ZNF385D: variants seen among roughly 807,000 people sequenced by gnomAD.
The protein encoded by ZNF385D is zinc finger protein 659.
ZNF385D carries 15 observed loss-of-function variants against 35.8 expected under a neutral mutation model. The observed-to-expected ratio is 0.42, with a 90% CI of 0.28 to 0.64. The LOEUF (loss-of-function observed/expected upper bound fraction) is 0.64, where lower values mean the gene tolerates loss of function less well. ZNF385D is among the 30% of genes least tolerant of loss of function. ZNF385D has a pLI of 0.23. For missense variants in ZNF385D, 474 were observed against 494.6 expected, an observed-to-expected ratio of 0.96 and a Z score of 0.39; for synonymous variants, 212 against 186.8, an observed-to-expected ratio of 1.13 and a Z score of -1.10.
At chr3:22,184,961 G>A (rs979769892) in intron 2 of ZNF385D, among the ~76,000 whole-genome samples, 1 of 151,532 alleles carries the variant, frequency 6.6e-6, no homozygotes, top group Non-Finnish European at 1.5e-5. Context: ...TTTAAATCCT[G>A]CCTTGTCCTG....
chr3:22,334,451 G>T (rs1385637674), intron 2 of ZNF385D, among the ~76,000 whole-genome samples: 1 of 151,966 alleles, frequency 6.6e-6, no homozygotes, highest in Admixed American at 6.6e-5. Flanking sequence ...AAATTTTATA[G>T]ATTTAATTAA....
At chr3:21,935,635 C>CTTGTCTGT (rs1701221802) in intron 3 of ZNF385D, among the ~76,000 whole-genome samples, 1 of 152,048 alleles carries the variant, frequency 6.6e-6, no homozygotes, top group Non-Finnish European at 1.5e-5. Context: ...TAAAAAGTTG[C>CTTGTCTGT]TTGTCTGTTT....
chr3:21,925,228 T>C (rs953763999), intron 3 of ZNF385D, among the ~76,000 whole-genome samples: 3 of 151,886 alleles, frequency 2.0e-5, no homozygotes, highest in Non-Finnish European at 4.4e-5. Context: ...GAGGAACAGG[T>C]TTACTCAATT....
chr3:21,895,355 T>G (rs1699079547), intron 3 of ZNF385D, among the ~76,000 whole-genome samples: 1 of 121,256 alleles, frequency 8.2e-6, no homozygotes, highest in Non-Finnish European at 1.6e-5. Context: ...TAAGACAGAG[T>G]CTCACTCTGT....
chr3:21,678,451 T>C (rs73040094), intron 1 of ZNF385D, among the ~76,000 whole-genome samples: 7,659 of 152,130 alleles, frequency 0.05, 279 homozygotes, highest in East Asian at 0.13. Context: ...TATTGATATG[T>C]CTTAGACAGT....
intron 3 of ZNF385D, among the ~76,000 whole-genome samples, chr3:22,017,524 A>T (rs1325891612): frequency 1.3e-5 from 2 of 151,972 alleles, no homozygotes; most frequent in Non-Finnish European, 2.9e-5. Flanking sequence ...TTTTATATTT[A>T]TTCTGAGTTA....
chr3:22,121,732 T>A (rs116507337), intron 3 of ZNF385D, among the ~76,000 whole-genome samples: 1,663 of 152,046 alleles, frequency 0.011, 34 homozygotes, highest in African/African-American at 0.038. Flanking sequence ...CAATCCCCTG[T>A]ACCTGGGCAT....
At chr3:22,164,216 CTTTTTTTTTTTTTTT>C (rs571978176) in intron 3 of ZNF385D, among the ~76,000 whole-genome samples, 6 of 74,912 alleles carry the variant, frequency 8.0e-5, no homozygotes, top group South Asian at 1.1e-3. Context: ...AAAAGGAGCA[CTTTTTTTTTTTTTTT>C]TTTTTTTTTT....
chr3:21,602,517 C>CTTTTTTTTTTTTTTTTTTTTTTTTTTTTT (rs746138066), intron 2 of ZNF385D, among the ~76,000 whole-genome samples: 10 of 62,710 alleles, frequency 1.6e-4, no homozygotes, highest in Non-Finnish European at 2.1e-4. Context: ...CCTGCATTTT[C>CTTTTTTTTTTTTTTTTTTTTTTTTTTTTT]TTTTTTTTTT....
intron 2 of ZNF385D, among the ~76,000 whole-genome samples, chr3:21,601,591 G>C (rs1450666764): frequency 6.6e-6 from 1 of 152,206 alleles, no homozygotes; most frequent in East Asian, 1.9e-4. Flanking sequence ...GTTGCTAGAA[G>C]TGAAATCATC....
At chr3:22,367,059 CTTA>C (rs1437672398) in intron 2 of ZNF385D, among the ~76,000 whole-genome samples, 1 of 152,144 alleles carries the variant, frequency 6.6e-6, no homozygotes, top group Non-Finnish European at 1.5e-5. Context: ...AGAATATATT[CTTA>C]TTGTTTTAAG....
In ZNF385D at chr3:21,564,461, T is replaced by A. The variant is rs1457413399; in HGVS notation, c.276+113A>T. 5.4e-6 allele frequency: 3 copies of A among 557,130 alleles called. No homozygotes were observed. In the East Asian group the frequency reaches 9.7e-5, roughly 18 times the overall value. 34.5% of individuals were successfully genotyped at this position (557,130 alleles called of 1,614,324 possible). On this transcript the variant is annotated intron_variant, in intron 3 of 7. Transcript: ENST00000281523. Reference sequence around the variant, plus strand: ...AGTGAGTTAAAATGTTATCTTTGAATTTTGACATGCTCAGTTACTGGAGAA... The same window carrying A: ...AGTGAGTTAAAATGTTATCTTTGAAATTTGACATGCTCAGTTACTGGAGAA...
intron 3 of ZNF385D, among the ~76,000 whole-genome samples, chr3:21,522,613 C>T (rs1380425898): frequency 3.3e-5 from 5 of 152,134 alleles, no homozygotes; most frequent in South Asian, 2.1e-4. Context: ...GCTAGGATTA[C>T]AGATGTGAGC....
chr3:21,817,417 T>C (rs979055992), intron 3 of ZNF385D, among the ~76,000 whole-genome samples: 2 of 151,898 alleles, frequency 1.3e-5, no homozygotes, highest in Non-Finnish European at 2.9e-5. Flanking sequence ...TGGGAGAAAA[T>C]TGTTGCAATC....
intron 2 of ZNF385D, among the ~76,000 whole-genome samples, chr3:21,615,525 T>G (rs1020443746): frequency 1.3e-5 from 2 of 152,156 alleles, no homozygotes; most frequent in Non-Finnish European, 2.9e-5. Flanking sequence ...ACAAAGAGTC[T>G]CATATATAAG....
At chr3:22,261,490 T>C (rs1289761420) in intron 2 of ZNF385D, among the ~76,000 whole-genome samples, 4 of 151,920 alleles carry the variant, frequency 2.6e-5, no homozygotes, top group Admixed American at 2.0e-4. Context: ...AGCTAGTATA[T>C]TGTAAAAATG....
chr3:22,302,350 A>G (rs1473432161), intron 2 of ZNF385D, among the ~76,000 whole-genome samples: 1 of 151,674 alleles, frequency 6.6e-6, no homozygotes, highest in Non-Finnish European at 1.5e-5. Context: ...TGATTTTAAT[A>G]TGCTTTTCTA....
intron 2 of ZNF385D, among the ~76,000 whole-genome samples, chr3:22,365,350 A>T (rs929240959): frequency 6.6e-6 from 1 of 152,094 alleles, no homozygotes; most frequent in African/African-American, 2.4e-5. Flanking sequence ...AAAAAAATTG[A>T]AAAACAAAAA....
chr3:21,484,637 G>T (rs1704891706), intron 4 of ZNF385D, among the ~76,000 whole-genome samples: 1 of 152,126 alleles, frequency 6.6e-6, no homozygotes. Flanking sequence ...TTTGGAGGGG[G>T]GACTGCCTCT....
Sources: allele counts gnomAD v4.1 joint callset (sites outside exome capture counted in the v4.1 genomes callset), GRCh38; gene constraint gnomAD v4.1.1; transcripts MANE v1.5; gene names NCBI Gene and HGNC (gene_info 2026-07-23, HGNC 2026-07-21).